The following PATL1 variants were observed in gnomAD, a reference collection of about 807,000 sequenced individuals.
PATL1 encodes the protein PAT1 homolog 1, processing body mRNA decay factor, also known as protein PAT1 homolog 1.
In PATL1, 32 loss-of-function variants were observed where a neutral mutation model predicts 100.6. That is an observed-to-expected ratio of 0.32 (90% CI 0.24 to 0.43). PATL1 has a LOEUF of 0.43. PATL1 is among the 20% of genes least tolerant of loss of function. The pLI is 1.00. For missense variants in PATL1, 747 were observed against 949.9 expected (o/e 0.79, Z 2.81); for synonymous variants, 332 against 330.0 (o/e 1.01, Z -0.07).
chr11:59,666,965 CTA>C lies in PATL1; in HGVS notation c.16-3_16-2del, dbSNP rs780585594. The C allele has an allele frequency of 6.5e-7, 1 of 1,534,018 alleles. No individual in the cohort carries two copies. The highest frequency in any genetic ancestry group is 8.8e-7 in the Non-Finnish European group (1 of 1,142,200). The stretch of plus-strand genomic sequence containing the variant: ...CATCCAGAGGACAATCCTCCAAAGA[CTA>C]AAAAAAAAGAAAAGACATTAGTTAT... On this transcript the variant is annotated splice_acceptor_variant and splice_polypyrimidine_tract_variant and intron_variant, in intron 1 of 18. Transcript: ENST00000300146. LOFTEE classifies it high-confidence loss of function.
Position 59,657,576 on chromosome 11 carries a change from A to C in PATL1, c.575T>G (p.Ile192Arg). Residue 192 changes from isoleucine to arginine, a missense_variant, in exon 5 of 19, where the codon ATA becomes AGA. This residue lies in a region of PATL1 where 3 missense variants were observed against 16.6 expected (regional missense o/e 0.18). Coordinates refer to ENST00000300146, the MANE Select transcript of PATL1 (RefSeq NM_152716.3). ...IGSPPVRAVPIGTPPKQMAVP... is the reference protein window; with the variant it reads ...IGSPPVRAVPRGTPPKQMAVP... ...AGCCATCTGTTTAGGTGGGGTGCCTATGGGGACAGCTCTAACAGGAGGACT... is the reference window on the plus strand; with the variant it reads ...AGCCATCTGTTTAGGTGGGGTGCCTCTGGGGACAGCTCTAACAGGAGGACT... 1 of 1,612,140 alleles carries C rather than the reference A, an allele frequency of 6.2e-7. No homozygotes were observed.
chr11:59,658,741 G>A (rs1394681067), intron 4 of PATL1, 125 bp downstream of exon 4: 2 of 679,630 alleles, frequency 2.9e-6, no homozygotes, highest in East Asian at 5.5e-5. Context: ...AGTGCTGGAT[G>A]CAGTAGTCGA....
At position 59,647,748 on chromosome 11, in the gene PATL1, A is replaced by AG. The variant is rs1386429670; in HGVS notation, c.1893+5dup. ...AAAAGAAAGATGTCCCATCTTGCATAGTCACCTCATCTTGTGCATCCTTCT... is the reference window on the plus strand; with the variant it reads ...AAAAGAAAGATGTCCCATCTTGCATAGGTCACCTCATCTTGTGCATCCTTCT... On this transcript the variant is annotated splice_donor_region_variant and intron_variant, in intron 15 of 18. Coordinates refer to ENST00000300146, the MANE Select transcript of PATL1 (RefSeq NM_152716.3). The AG allele has an allele frequency of 1.2e-6, 2 of 1,613,756 alleles. No homozygotes were observed. The highest frequency in any genetic ancestry group is 1.7e-6 in the Non-Finnish European group (2 of 1,179,704).
chr11:59,653,764 G>A (rs192194937), intron 9 of PATL1, among the ~76,000 whole-genome samples: 4 of 152,112 alleles, frequency 2.6e-5, no homozygotes, highest in Admixed American at 1.3e-4. Flanking sequence ...GTATTATTCC[G>A]TGTGCCTTTT....
chr11:59,649,387 CA>C (rs1861409669), intron 14 of PATL1, 74 bp downstream of exon 14: 2 of 1,529,198 alleles, frequency 1.3e-6, no homozygotes, highest in East Asian at 4.6e-5. Context: ...ACCTAAAAGG[CA>C]AAAATGTATG....
In PATL1 at chr11:59,658,065, G is replaced by A. The variant is rs561056168; in HGVS notation, c.427-341C>T. ...TGTAGTCTCAGCTACTCAAGAGGCC[G>A]AGGTGGGAGGATCACTTGAGCCCGG... On this transcript the variant is annotated intron_variant, in intron 4 of 18. Transcript: ENST00000300146. Among the ~76,000 whole-genome samples, 3 of 151,944 alleles carry A rather than the reference G, an allele frequency of 2.0e-5. No individual in the cohort carries two copies. The East Asian group carries it at 5.8e-4, about 30-fold the overall frequency.
chr11:59,646,086 A>G (rs1427800378), intron 15 of PATL1, among the ~76,000 whole-genome samples: 1 of 152,212 alleles, frequency 6.6e-6, no homozygotes, highest in Non-Finnish European at 1.5e-5. Flanking sequence ...TGCCTGGCAC[A>G]TAGAAGTATT....
rs766651067 is a variant in PATL1, at chr11:59,656,033, G to C, written c.736C>G (p.Leu246Val). 1.4e-6 allele frequency: 2 copies of C among 1,477,898 alleles called. No homozygotes were observed. The highest frequency in any genetic ancestry group is 1.8e-6 in the Non-Finnish European group (2 of 1,103,098). 91.5% of individuals were successfully genotyped at this position (1,477,898 alleles called of 1,614,324 possible). The change falls in exon 7 of 19, where the codon CTG becomes GTG. Residue 246 changes from leucine (L) to valine (V), a missense_variant. By Grantham distance (32) the Leu-to-Val change is conservative (BLOSUM62 1). Around this residue, in one of 4 missense-constraint regions of PATL1, gnomAD observed 127 missense variants for 116.0 expected, o/e 1.09. Coordinates refer to ENST00000300146, the MANE Select transcript of PATL1 (RefSeq NM_152716.3). The part of the protein sequence containing the change: ...QLCSVPNSSL[L>V]GHPFPPSVPP... ...ACACTAGGAGGAAAAGGGTGACCCA[G>C]GAGGGAAGAGTTCTAAGGTAAAAAA...
chr11:59,647,672 G>A (rs1590696723), intron 15 of PATL1, 82 bp downstream of exon 15: 3 of 1,400,962 alleles, frequency 2.1e-6, no homozygotes, highest in Non-Finnish European at 3.0e-6. Flanking sequence ...AAAGGGAAGA[G>A]GAGAGGAAAA....
Position 59,652,459 on chromosome 11 carries a change from C to T in PATL1, c.1426+5G>A. On this transcript the variant is annotated splice_donor_5th_base_variant and intron_variant, in intron 11 of 18. Transcript: ENST00000300146. ...TTATGGGCATTTTTCTTATGAGGAC[C>T]TTACCTGGCTTATAGGCGTGCTCCA... 6.2e-7 allele frequency: 1 copy of T among 1,605,394 alleles called. No homozygotes were observed. Among genetic ancestry groups the T allele is most frequent in the Non-Finnish European group, 8.5e-7 (1 of 1,177,182 alleles).
At chr11:59,661,335 A>G (rs1861621923) in intron 2 of PATL1, among the ~76,000 whole-genome samples, 1 of 152,124 alleles carries the variant, frequency 6.6e-6, no homozygotes, top group South Asian at 2.1e-4. Flanking sequence ...ATCCACCTGC[A>G]ACAGCCTTCC....
chr11:59,640,513 A>C (rs1861261107), intron 16 of PATL1, among the ~76,000 whole-genome samples: 1 of 147,170 alleles, frequency 6.8e-6, no homozygotes, highest in Admixed American at 6.8e-5. Flanking sequence ...AGGTCAGGAG[A>C]TCGAGATCAT....
intron 6 of PATL1, 31 bp downstream of exon 6, chr11:59,656,468 G>A: frequency 6.5e-7 from 1 of 1,548,610 alleles, no homozygotes; most frequent in Non-Finnish European, 8.9e-7. Context: ...AATACATACT[G>A]CACATTTTTG....
intron 2 of PATL1, among the ~76,000 whole-genome samples, chr11:59,661,932 T>C (rs1049881227): frequency 5.3e-5 from 8 of 152,234 alleles, no homozygotes; most frequent in African/African-American, 1.7e-4. Flanking sequence ...ATTTGGATTA[T>C]TTACAATTTT....
chr11:59,652,832 A>G lies in PATL1; in HGVS notation c.1302+6T>C, dbSNP rs1861466106. On this transcript the variant is annotated splice_donor_region_variant and intron_variant, in intron 10 of 18. Transcript: ENST00000300146. ...ATTATCCTCAAAACTAGCACAGAGT[A>G]TTTACCTGGTAATAAAAATCATCCA... The G allele has an allele frequency of 1.9e-6, 3 of 1,612,592 alleles. No individual in the cohort carries two copies. Among genetic ancestry groups the G allele is most frequent in the African/African-American group, 1.3e-5 (1 of 74,898 alleles).
At chr11:59,658,184 A>C (rs551936428) in intron 4 of PATL1, among the ~76,000 whole-genome samples, 3 of 151,814 alleles carry the variant, frequency 2.0e-5, no homozygotes, top group African/African-American at 7.3e-5. Context: ...AAAAGAAAGA[A>C]AGAGAGAGCA....
At chr11:59,668,085 T>C (rs930198207) in intron 1 of PATL1, among the ~76,000 whole-genome samples, 4 of 152,228 alleles carry the variant, frequency 2.6e-5, no homozygotes, top group Admixed American at 2.6e-4. Context: ...CTTCCAGCAG[T>C]ACTCCCTTCC....
intron 14 of PATL1, among the ~76,000 whole-genome samples, chr11:59,649,170 C>T (rs1039145073): frequency 6.6e-6 from 1 of 152,192 alleles, no homozygotes; most frequent in African/African-American, 2.4e-5. Context: ...TCTGTAAGCA[C>T]AAAAACCCAA....
In PATL1 at chr11:59,659,345, C is replaced by A. The variant is rs988739540; in HGVS notation, c.252G>T (p.Glu84Asp). ...TCTTACTGAGCCTTTCTGCCAGATT[C>A]TCCTCATGGTCACCCAACAAGTCCA... ...DEMDLLGDHE[E>D]NLAERLSKMV... is the part of the protein sequence containing the mutation. Residue 84 changes from glutamate (E) to aspartate (D), a missense_variant, in exon 3 of 19, where the codon GAG (glutamate) becomes GAT (aspartate). Physicochemically the swap from Glu to Asp is conservative, Grantham distance 45. Transcript: ENST00000300146. 1 of 1,551,404 alleles carries A rather than the reference C, an allele frequency of 6.4e-7. No homozygotes were observed. The highest frequency in any genetic ancestry group is 2.4e-5 in the East Asian group (1 of 40,916).
Sources: gnomAD v4.1 joint callset for allele counts (sites outside exome capture counted in the v4.1 genomes callset) on GRCh38, gnomAD v4.1.1 for gene constraint, gnomAD v4.1.1 regional missense constraint, MANE v1.5 for transcripts, NCBI Gene and HGNC (gene_info 2026-07-23, HGNC 2026-07-21) for gene names.